The following HCN2 variants were observed in gnomAD, a reference collection of about 807,000 sequenced individuals.
The protein encoded by HCN2 is hyperpolarization activated cyclic nucleotide gated potassium and sodium channel 2, also known as potassium/sodium hyperpolarization-activated cyclic nucleotide-gated channel 2.
HCN2 carries 20 observed loss-of-function variants against 52.3 expected under a neutral mutation model. The ratio of observed to expected loss-of-function variants is 0.38; its 90% confidence interval spans 0.27 to 0.56. The LOEUF (loss-of-function observed/expected upper bound fraction) is 0.56, where lower values mean the gene tolerates loss of function less well. Ranked by LOEUF, HCN2 falls within the 20% of genes least tolerant of loss-of-function variation. The pLI is 0.71. For missense variants in HCN2, 981 were observed against 1,207.7 expected (o/e 0.81, Z 2.78); for synonymous variants, 694 against 537.0 (o/e 1.29, Z -4.04).
intron 3 of HCN2, among the ~76,000 whole-genome samples, chr19:607,177 A>G (rs1983453984): frequency 6.6e-6 from 1 of 152,246 alleles, no homozygotes. Flanking sequence ...GTCAAAAAAG[A>G]AGGAATAATA....
intron 1 of HCN2, among the ~76,000 whole-genome samples, chr19:602,562 C>T (rs1377828370): frequency 6.6e-6 from 1 of 152,218 alleles, no homozygotes; most frequent in African/African-American, 2.4e-5. Context: ...GAGCTGAGCA[C>T]GGTTCATTTC....
chr19:603,659 G>A lies in HCN2; in HGVS notation c.748G>A (p.Val250Ile), dbSNP rs770609291. 3 of 1,612,644 alleles carry A rather than the reference G, an allele frequency of 1.9e-6. No individual in the cohort carries two copies. The highest frequency in any genetic ancestry group is 1.1e-5 in the South Asian group (1 of 91,074). The stretch of plus-strand genomic sequence containing the variant: ...TGCCCCGTGGATCGTGTTCAACGTG[G>A]TCTCGGACACCTTCTTCCTCATGGA... ...TTAPWIVFNV[V>I]SDTFFLMDLV... The change falls in exon 2 of 8, where the codon GTC (valine) becomes ATC (isoleucine). Residue 250 changes from valine to isoleucine, a missense_variant. By Grantham distance (29) the Val-to-Ile change is conservative. This residue lies in a region of HCN2 where 282 missense variants were observed against 553.8 expected (regional missense o/e 0.51). Coordinates refer to ENST00000251287, the MANE Select transcript of HCN2 (RefSeq NM_001194.4).
rs1422652916 is a variant in HCN2 at position 610,327 on chromosome 19, C to T, written c.1506C>T (p.Asp502=). The T allele has an allele frequency of 6.2e-7, 1 of 1,613,824 alleles. No individual in the cohort carries two copies. The highest frequency in any genetic ancestry group is 2.2e-5 in the East Asian group (1 of 44,872). ...CTGACTTCCGCCAGAAGATCCACGA[C>T]TACTATGAGCACCGTTACCAGGGCA... ...LPADFRQKIH[D]YYEHRYQGKM... The change falls in exon 5 of 8, where the codon GAC becomes GAT. Residue 502 remains aspartate (D), a synonymous_variant. Transcript: ENST00000251287.
At chr19:615,753 C>G in intron 7 of HCN2, 42 bp from the exon 8 acceptor site, 1 of 1,598,516 alleles carries the variant, frequency 6.3e-7, no homozygotes, top group Non-Finnish European at 8.5e-7. Context: ...CTGTACGCAG[C>G]AGGCGCTCCC....
At position 590,073 on chromosome 19, in the gene HCN2, C is replaced by T; in HGVS notation, c.128C>T (p.Pro43Leu). ...CCGCCGCCGCCGCCGCCGCCCGCGC[C>T]CCCCCCGGGCCCCGGGCCCGCGCCC... ...QQPPPPPPPA[P>L]PPGPGPAPPQ... is the part of the protein sequence containing the mutation. Residue 43 changes from proline (P) to leucine (L), a missense_variant, in exon 1 of 8, where the codon CCC becomes CTC. Around this residue, in one of 6 missense-constraint regions of HCN2, gnomAD observed 215 missense variants for 179.4 expected, o/e 1.20. Transcript: ENST00000251287. This position sits in a 1 kb window ranked among gnomAD's most constrained non-coding sequence, Gnocchi z 7.2. 3 of 590,222 alleles carry T rather than the reference C, an allele frequency of 5.1e-6. No individual in the cohort carries two copies. Among genetic ancestry groups the T allele is most frequent in the Non-Finnish European group, 6.3e-6 (3 of 476,302 alleles). The allele number at this position is 590,222 out of a possible 1,614,324, so 36.6% of individuals were successfully genotyped here.
intron 1 of HCN2, among the ~76,000 whole-genome samples, chr19:595,133 T>C (rs1982986279): frequency 6.6e-6 from 1 of 150,412 alleles, no homozygotes. Flanking sequence ...GCCCAGGAGG[T>C]TGAGGCTGCA....
At chr19:606,226 G>A (rs1330931087) in intron 3 of HCN2, among the ~76,000 whole-genome samples, 10 of 150,954 alleles carry the variant, frequency 6.6e-5, no homozygotes, top group Non-Finnish European at 1.0e-4. Flanking sequence ...TCAGCCTCCC[G>A]AGTAGCTGGG....
intron 1 of HCN2, among the ~76,000 whole-genome samples, chr19:593,388 G>A (rs913685338): frequency 9.2e-5 from 14 of 152,260 alleles, no homozygotes; most frequent in Non-Finnish European, 1.8e-4. Context: ...AGGCTGAGGC[G>A]GGCGGATCAC....
chr19:604,955 G>C (rs574185651), intron 2 of HCN2, 106 bp from the exon 3 acceptor site: 3 of 1,251,464 alleles, frequency 2.4e-6, no homozygotes, highest in Non-Finnish European at 3.3e-6. Flanking sequence ...CTTGGATTTG[G>C]GGGAGGGGGC....
At chr19:601,314 G>GA (rs199963312) in intron 1 of HCN2, among the ~76,000 whole-genome samples, 6 of 151,234 alleles carry the variant, frequency 4.0e-5, no homozygotes, top group Admixed American at 1.3e-4. Flanking sequence ...CTCCGTCTCG[G>GA]AAAAAAAAAG....
chr19:614,135 G>A lies in HCN2; in HGVS notation c.1990+119G>A, dbSNP rs114440466. ...GAAGGGCGTGGCTGTGGCATCAGGG[G>A]CACGGTTGGGGCAGAGACGTGGCCA... is the stretch of plus-strand genomic sequence containing the variant. On this transcript the variant is annotated intron_variant, in intron 7 of 7. Coordinates refer to ENST00000251287, the MANE Select transcript of HCN2 (RefSeq NM_001194.4). 6,058 of 706,122 alleles carry A rather than the reference G, an allele frequency of 8.6e-3. 324 individuals carry two copies. The African/African-American group carries it at 0.12, about 14-fold the overall frequency. 43.7% of individuals were successfully genotyped at this position (706,122 alleles called of 1,614,324 possible). A position where few individuals can be genotyped will look rare whatever the true frequency, so the allele number is the denominator to read the frequency against.
In HCN2 at chr19:590,367, CGGAGGA is replaced by C; in HGVS notation, c.425_430del (p.Glu142_Glu143del). 8.7e-7 allele frequency: 1 copy of C among 1,155,558 alleles called. No homozygotes were observed. 71.6% of individuals were successfully genotyped at this position (1,155,558 alleles called of 1,614,324 possible). On this transcript the variant is annotated inframe_deletion, in exon 1 of 8. Transcript: ENST00000251287. The surrounding 1 kb of genome is among the most constrained non-coding windows in gnomAD (Gnocchi z 7.2). Reference sequence around the variant, plus strand: ...GGGCCCGCGCCGGGGCCGGGGCCGGCGGAGGAGGCGGGCAGCGAGGAGGCGGGCCCG... The same window carrying C: ...GGGCCCGCGCCGGGGCCGGGGCCGGCGGCGGGCAGCGAGGAGGCGGGCCCG...
At position 601,793 on chromosome 19, in the gene HCN2, T is replaced by G. The variant is rs1023357388; in HGVS notation, c.633-1751T>G. Among the ~76,000 whole-genome samples, 5 of 151,094 alleles carry G rather than the reference T, an allele frequency of 3.3e-5. No homozygotes were observed. In the South Asian group the frequency reaches 1.1e-3, roughly 32 times the overall value. On this transcript the variant is annotated intron_variant, in intron 1 of 7. Transcript: ENST00000251287. ...TTTGCTGACCCTCTATGACCTCCTGTGTGGACGCGGCACTCCCAGCACCGT... is the reference window on the plus strand; with the variant it reads ...TTTGCTGACCCTCTATGACCTCCTGGGTGGACGCGGCACTCCCAGCACCGT...
Position 616,942 on chromosome 19 carries a change from C to T in HCN2, c.*468C>T, listed in dbSNP as rs1343897427. 3.8e-5 allele frequency: 15 copies of T among 399,018 alleles called. No homozygotes were observed. Among genetic ancestry groups the T allele is most frequent in the Admixed American group, 1.7e-4 (4 of 23,702 alleles). 24.7% of individuals were successfully genotyped at this position (399,018 alleles called of 1,614,324 possible). On this transcript the variant is annotated 3_prime_UTR_variant, in exon 8 of 8. Coordinates refer to ENST00000251287, the MANE Select transcript of HCN2 (RefSeq NM_001194.4). The stretch of plus-strand genomic sequence containing the variant: ...AACCGGCCCGGCCCCCGTCCGCGCG[C>T]GTCCCCCGGTGACCTCGGGGAGCAG...
rs574758238 is a variant in HCN2 at position 613,567 on chromosome 19, G to A, written c.1825+79G>A. The A allele has an allele frequency of 2.2e-5, 13 of 602,054 alleles. No individual in the cohort carries two copies. In the African/African-American group the frequency reaches 2.4e-4, roughly 11 times the overall value. 37.3% of individuals were successfully genotyped at this position (602,054 alleles called of 1,614,324 possible). ...TGTGCAGAGCCAGGGGGCCGGGGCC[G>A]GGGCCGGGGCCGGGGATGGGGATGG... On this transcript the variant is annotated intron_variant, in intron 6 of 7. Coordinates refer to ENST00000251287, the MANE Select transcript of HCN2 (RefSeq NM_001194.4).
rs550827450 is a variant in HCN2, at chr19:616,667, C to A, written c.*193C>A. The A allele has an allele frequency of 4.5e-5, 11 of 242,706 alleles. No individual in the cohort carries two copies. The South Asian group carries it at 1.8e-3, about 40-fold the overall frequency. 15.0% of individuals were successfully genotyped at this position (242,706 alleles called of 1,614,324 possible). ...CGCGCCCCCGGCCGTCCCCCCTCAT[C>A]GCCCCGCGCCCACCCCCATCGCCCC... On this transcript the variant is annotated 3_prime_UTR_variant, in exon 8 of 8. Transcript: ENST00000251287.
Position 616,043 on chromosome 19 carries a change from G to A in HCN2, c.2239G>A (p.Val747Met), listed in dbSNP as rs757186207. Reference sequence around the variant, plus strand: ...CTGCCCGCAGGTGGCGCGGCCGCTCGTGGGGCCGCTGGCGCTCGGCTCGCC... The same window carrying A: ...CTGCCCGCAGGTGGCGCGGCCGCTCATGGGGCCGCTGGCGCTCGGCTCGCC... ...SFCPQVARPLVGPLALGSPRL... is the reference protein window; with the variant it reads ...SFCPQVARPLMGPLALGSPRL... The change falls in exon 8 of 8, where the codon GTG becomes ATG. Residue 747 changes from valine to methionine, a missense_variant. By Grantham distance (21) the Val-to-Met change is conservative (BLOSUM62 1). Around this residue, in one of 6 missense-constraint regions of HCN2, gnomAD observed 368 missense variants for 314.8 expected, o/e 1.17. Coordinates refer to ENST00000251287, the MANE Select transcript of HCN2 (RefSeq NM_001194.4). The A allele has an allele frequency of 3.2e-6, 4 of 1,252,338 alleles. No individual in the cohort carries two copies. The highest frequency in any genetic ancestry group is 3.1e-4 in the Middle Eastern group (1 of 3,240). 77.6% of individuals were successfully genotyped at this position (1,252,338 alleles called of 1,614,324 possible).
In HCN2 at chr19:590,695, G is replaced by T. The variant is rs1170250963; in HGVS notation, c.632+118G>T. On this transcript the variant is annotated intron_variant, in intron 1 of 7. Coordinates refer to ENST00000251287, the MANE Select transcript of HCN2 (RefSeq NM_001194.4). This position sits in a 1 kb window ranked among gnomAD's most constrained non-coding sequence, Gnocchi z 7.2. ...GGCGCGCCGGGCCGGTGACCTCGGG[G>T]CTCCTCGGTGACCTCGGGCGTGTCC... is the stretch of plus-strand genomic sequence containing the variant. 1.3e-6 allele frequency: 1 copy of T among 761,762 alleles called. No individual in the cohort carries two copies. 47.2% of individuals were successfully genotyped at this position (761,762 alleles called of 1,614,324 possible). A position where few individuals can be genotyped will look rare whatever the true frequency, so the allele number is the denominator to read the frequency against.
intron 3 of HCN2, among the ~76,000 whole-genome samples, chr19:605,678 CTCGGGCCCTT>C (rs1568365110): frequency 7.0e-5 from 4 of 57,330 alleles, no homozygotes; most frequent in African/African-American, 1.8e-4. Context: ...GAGGGGAGGA[CTCGGGCCCTT>C]ACAGAGGTGG....
Sources: allele counts gnomAD v4.1 joint callset (sites outside exome capture counted in the v4.1 genomes callset), GRCh38; gene constraint gnomAD v4.1.1; regional missense constraint gnomAD v4.1.1; non-coding constraint Gnocchi (gnomAD v3.1); transcripts MANE v1.5; gene names NCBI Gene and HGNC (gene_info 2026-07-23, HGNC 2026-07-21).